Variants in IPPK observed in about 807,000 individuals in gnomAD.
IPPK encodes the protein inositol-pentakisphosphate 2-kinase.
In IPPK, 22 loss-of-function variants were observed where a neutral mutation model predicts 64.6. The observed-to-expected ratio is 0.34, with a 90% CI of 0.24 to 0.49. IPPK has a LOEUF of 0.49. IPPK is among the 20% of genes least tolerant of loss of function. IPPK has a pLI of 0.99. For synonymous variants in IPPK, 262 were observed against 247.2 expected (o/e 1.06, Z -0.56); for missense variants, 532 against 630.7 (o/e 0.84, Z 1.68).
chr9:92,613,800 C>G lies in IPPK; in HGVS notation c.*2032G>C, dbSNP rs901617507. ...AATGAGGTCCTTTATGAAAGAAAGA[C>G]CCCCCTGCATAGCCTAAGTGCTATA... On this transcript the variant is annotated 3_prime_UTR_variant, in exon 13 of 13. Coordinates refer to ENST00000287996, the MANE Select transcript of IPPK (RefSeq NM_022755.6). 2 of 153,702 alleles carry G rather than the reference C, an allele frequency of 1.3e-5. No individual in the cohort carries two copies. Among genetic ancestry groups the G allele is most frequent in the Non-Finnish European group, 2.9e-5 (2 of 69,020 alleles). The allele number at this position is 153,702 out of a possible 1,614,324, so 9.5% of individuals were successfully genotyped here.
chr9:92,629,953 C>T (rs757659229), intron 11 of IPPK, among the ~76,000 whole-genome samples: 2 of 152,054 alleles, frequency 1.3e-5, no homozygotes, highest in Non-Finnish European at 2.9e-5. Context: ...AAGATCGAAC[C>T]GTACAGCAAT....
intron 11 of IPPK, among the ~76,000 whole-genome samples, chr9:92,626,626 T>G (rs552330981): frequency 9.2e-5 from 14 of 152,246 alleles, no homozygotes; most frequent in African/African-American, 3.1e-4. Flanking sequence ...AAGAAGTGAA[T>G]ATGATAATGG....
At chr9:92,669,635 G>A (rs182568823) in intron 1 of IPPK, among the ~76,000 whole-genome samples, 160 of 152,254 alleles carry the variant, frequency 1.1e-3, no homozygotes, top group Middle Eastern at 3.4e-3. Context: ...CTCTGACGGG[G>A]AACGGGAATA....
At chr9:92,618,600 G>T in intron 12 of IPPK, 1 of 456,360 alleles carries the variant, frequency 2.2e-6, no homozygotes, top group Non-Finnish European at 4.4e-6. Flanking sequence ...TCCAGTTAAG[G>T]AATTCCTCAT....
At chr9:92,623,041 T>G (rs561547717) in intron 11 of IPPK, among the ~76,000 whole-genome samples, 32 of 152,248 alleles carry the variant, frequency 2.1e-4, no homozygotes, top group African/African-American at 7.2e-4. Context: ...GAAAATATCT[T>G]CAGGACCTTA....
Position 92,638,127 on chromosome 9 carries a change from C to G in IPPK, c.790G>C (p.Val264Leu). The G allele has an allele frequency of 6.2e-7, 1 of 1,614,174 alleles. No homozygotes were observed. Among genetic ancestry groups the G allele is most frequent in the Non-Finnish European group, 8.5e-7 (1 of 1,180,032 alleles). ...TRAVIRELVHVITRVLLSGSD... is the reference protein window; with the variant it reads ...TRAVIRELVHLITRVLLSGSD... ...CCACTCAGCAGCACCCGTGTGATCACGTGCACCAGCTCCCTGATCACAGCC... is the reference window on the plus strand; with the variant it reads ...CCACTCAGCAGCACCCGTGTGATCAGGTGCACCAGCTCCCTGATCACAGCC... The change falls in exon 9 of 13, where the codon GTG becomes CTG. Residue 264 changes from valine (V) to leucine (L), a missense_variant. By Grantham distance (32) the Val-to-Leu change is conservative. Coordinates refer to ENST00000287996, the MANE Select transcript of IPPK (RefSeq NM_022755.6).
chr9:92,645,627 A>C (rs181579266), intron 6 of IPPK, among the ~76,000 whole-genome samples: 1 of 152,132 alleles, frequency 6.6e-6, no homozygotes, highest in African/African-American at 2.4e-5. Flanking sequence ...ATCCCATACA[A>C]AGCACCTTCC....
At position 92,648,137 on chromosome 9, in the gene IPPK, C is replaced by T; in HGVS notation, c.426G>A (p.Gly142=). 2 of 1,612,868 alleles carry T rather than the reference C, an allele frequency of 1.2e-6. No individual in the cohort carries two copies. Among genetic ancestry groups the T allele is most frequent in the Non-Finnish European group, 1.7e-6 (2 of 1,179,288 alleles). Reference sequence around the variant, plus strand: ...TGACATCACTCGAGAAAGGAATAAACCCACATTTTGGCTGTAAAATAAACA... The same window carrying T: ...TGACATCACTCGAGAAAGGAATAAATCCACATTTTGGCTGTAAAATAAACA... ...ILCVEIKPKC[G]FIPFSSDVTH... is the part of the protein sequence containing the mutation. The change falls in exon 6 of 13, where the codon GGG becomes GGA. Residue 142 remains glycine, a synonymous_variant. Transcript: ENST00000287996.
rs1344907993 is a variant in IPPK at position 92,648,255 on chromosome 9, C to T, written c.415-107G>A. ...TAATGAGTGCAGCAAGATAATTAGG[C>T]ATAAATGGCCCCAGAAGCTGTTTTC... is the stretch of plus-strand genomic sequence containing the variant. On this transcript the variant is annotated intron_variant, in intron 5 of 12. Coordinates refer to ENST00000287996, the MANE Select transcript of IPPK (RefSeq NM_022755.6). 5.0e-6 allele frequency: 4 copies of T among 801,700 alleles called. No individual in the cohort carries two copies. The East Asian group carries it at 1.1e-4, about 22-fold the overall frequency. The allele number at this position is 801,700 out of a possible 1,614,324, so 49.7% of individuals were successfully genotyped here. A position where few individuals can be genotyped will look rare whatever the true frequency, so the allele number is the denominator to read the frequency against.
intron 6 of IPPK, among the ~76,000 whole-genome samples, chr9:92,644,236 G>C (rs142612968): frequency 3.3e-5 from 5 of 152,308 alleles, no homozygotes; most frequent in Non-Finnish European, 7.4e-5. Flanking sequence ...CCATAGACTT[G>C]CAACAATCCA....
At chr9:92,660,335 T>C (rs769663598) in intron 1 of IPPK, among the ~76,000 whole-genome samples, 4 of 152,120 alleles carry the variant, frequency 2.6e-5, no homozygotes, top group African/African-American at 9.7e-5. Context: ...ATACATTACA[T>C]GAAATCCCTG....
Position 92,635,124 on chromosome 9 carries a change from A to G in IPPK, c.1067+34T>C. On this transcript the variant is annotated intron_variant, in intron 10 of 12. Transcript: ENST00000287996. The surrounding 1 kb of genome is among the most constrained non-coding windows in gnomAD (Gnocchi z 4.4). ...CTGCCCACTCCCACAGTCTCCTCTCAGGGCTGCCCAACAGGGGGACCGCCC... is the reference window on the plus strand; with the variant it reads ...CTGCCCACTCCCACAGTCTCCTCTCGGGGCTGCCCAACAGGGGGACCGCCC... The G allele has an allele frequency of 1.3e-6, 2 of 1,590,366 alleles. No individual in the cohort carries two copies. The highest frequency in any genetic ancestry group is 1.7e-6 in the Non-Finnish European group (2 of 1,165,814).
chr9:92,668,262 C>T (rs180770262), intron 1 of IPPK, among the ~76,000 whole-genome samples: 256 of 152,202 alleles, frequency 1.7e-3, no homozygotes, highest in Non-Finnish European at 2.5e-3. Context: ...AGTGAGACCC[C>T]GTTTCTAAAT....
At chr9:92,618,843 T>A (rs1851531217) in intron 12 of IPPK, 1 of 351,328 alleles carries the variant, frequency 2.8e-6, no homozygotes, top group Non-Finnish European at 5.6e-6. Context: ...CAGGAACACA[T>A]GTTAGAAGAA....
At chr9:92,639,463 G>A (rs1169241989) in intron 8 of IPPK, among the ~76,000 whole-genome samples, 3 of 152,134 alleles carry the variant, frequency 2.0e-5, no homozygotes, top group East Asian at 1.9e-4. Flanking sequence ...ATGCCTTGGC[G>A]GTGCCCTGTT....
intron 1 of IPPK, among the ~76,000 whole-genome samples, chr9:92,661,736 C>A (rs1421584064): frequency 6.6e-6 from 1 of 152,228 alleles, no homozygotes; most frequent in African/African-American, 2.4e-5. Flanking sequence ...AAACCTACCC[C>A]CAGGGGAACC....
chr9:92,666,906 G>C (rs16908487), intron 1 of IPPK, among the ~76,000 whole-genome samples: 1 of 151,968 alleles, frequency 6.6e-6, no homozygotes, highest in African/African-American at 2.4e-5. Context: ...CAAGTCCTGC[G>C]CTGCACAGAA....
chr9:92,634,475 T>C lies in IPPK; in HGVS notation c.1081A>G (p.Ile361Val), dbSNP rs771420945. ...EFPEERKTLQ[I>V]DGPYDEAFYQ... ...AATGCTTCATCATAAGGCCCATCTA[T>C]TTGTAAGGTTTTTCTGAAGAAGAAA... The change falls in exon 11 of 13, where the codon ATA becomes GTA. Residue 361 changes from isoleucine (I) to valine (V), a missense_variant. Ile to Val is a conservative substitution (Grantham distance 29). Coordinates refer to ENST00000287996, the MANE Select transcript of IPPK (RefSeq NM_022755.6). 4.3e-6 allele frequency: 7 copies of C among 1,613,408 alleles called. No individual in the cohort carries two copies. In the South Asian group the frequency reaches 6.6e-5, roughly 15 times the overall value.
intron 7 of IPPK, among the ~76,000 whole-genome samples, chr9:92,642,251 C>T (rs945282647): frequency 6.6e-6 from 1 of 152,266 alleles, no homozygotes; most frequent in African/African-American, 2.4e-5. Flanking sequence ...GAGTAATGTG[C>T]AGGATGCACA....
Sources: allele counts gnomAD v4.1 joint callset (sites outside exome capture counted in the v4.1 genomes callset), GRCh38; gene constraint gnomAD v4.1.1; non-coding constraint Gnocchi (gnomAD v3.1); transcripts MANE v1.5; gene names NCBI Gene and HGNC (gene_info 2026-07-23, HGNC 2026-07-21).